The following STAMBPL1 variants were observed in gnomAD, a reference collection of about 807,000 sequenced individuals.
The protein encoded by STAMBPL1 is AMSH-like protease.
In STAMBPL1, 44 loss-of-function variants were observed where a neutral mutation model predicts 52.9. That is an observed-to-expected ratio of 0.83 (90% CI 0.65 to 1.07). The LOEUF is 1.07. Among genes scored for constraint, STAMBPL1 ranks in the 50% least tolerant of loss-of-function variants. STAMBPL1 has a pLI of 0.00. For synonymous variants in STAMBPL1, 164 were observed against 177.3 expected (o/e 0.92, Z 0.60); for missense variants, 511 against 520.8 (o/e 0.98, Z 0.18).
At chr10:88,914,032 G>A (rs1233559871) in intron 6 of STAMBPL1, among the ~76,000 whole-genome samples, 1 of 152,168 alleles carries the variant, frequency 6.6e-6, no homozygotes, top group African/African-American at 2.4e-5. Context: ...CTGTCAGATA[G>A]AATTTGTGTT....
At chr10:88,908,242 G>A (rs1357345684) in intron 3 of STAMBPL1, among the ~76,000 whole-genome samples, 1 of 152,108 alleles carries the variant, frequency 6.6e-6, no homozygotes, top group Non-Finnish European at 1.5e-5. Context: ...TCTTAGTTAT[G>A]AGTTTTCGGT....
Position 88,916,731 on chromosome 10 carries a change from G to T in STAMBPL1, c.955G>T (p.Gly319Ter). ...THVIVPKQSA[G>*]PDYCDMENVE... ...TGTAATTGTGCCAAAGCAGTCTGCG[G>T]GACCAGACTATTGTGACATGGAGAA... The change falls in exon 8 of 11, where the codon GGA becomes TGA. Residue 319 changes from glycine to a stop codon, truncating the protein, a stop_gained. Coordinates refer to ENST00000371926, the MANE Select transcript of STAMBPL1 (RefSeq NM_020799.4). LOFTEE classifies it high-confidence loss of function. 1.9e-6 allele frequency: 3 copies of T among 1,609,936 alleles called. No individual in the cohort carries two copies. The highest frequency in any genetic ancestry group is 2.2e-5 in the East Asian group (1 of 44,616).
intron 1 of STAMBPL1, among the ~76,000 whole-genome samples, chr10:88,894,831 A>G (rs918203902): frequency 1.3e-5 from 2 of 152,194 alleles, no homozygotes; most frequent in Non-Finnish European, 2.9e-5. Context: ...TTTCCTTCAA[A>G]AATATTTAAA....
intron 8 of STAMBPL1, among the ~76,000 whole-genome samples, chr10:88,919,859 A>G (rs753284561): frequency 3.3e-5 from 5 of 151,212 alleles, no homozygotes; most frequent in African/African-American, 7.3e-5. Context: ...TTTTCAAGAC[A>G]GGATCTTGCT....
At chr10:88,899,162 GT>G (rs1215353360) in intron 1 of STAMBPL1, among the ~76,000 whole-genome samples, 3 of 151,932 alleles carry the variant, frequency 2.0e-5, no homozygotes, top group South Asian at 2.1e-4. Context: ...AGAAGTTTGT[GT>G]TTTTTTTCAT....
chr10:88,902,009 A>G (rs1423149053), intron 2 of STAMBPL1, among the ~76,000 whole-genome samples: 1 of 152,200 alleles, frequency 6.6e-6, no homozygotes, highest in Non-Finnish European at 1.5e-5. Flanking sequence ...CACCGGAGAG[A>G]AGAATTTCAG....
In STAMBPL1 at chr10:88,923,456, T is replaced by C; in HGVS notation, c.*232T>C. On this transcript the variant is annotated 3_prime_UTR_variant, in exon 11 of 11. Coordinates refer to ENST00000371926, the MANE Select transcript of STAMBPL1 (RefSeq NM_020799.4). ...GGTACCTGATAATGTACCCAAATAC[T>C]ATGGCCAGATAATAAATTGTGCTGC... is the stretch of plus-strand genomic sequence containing the variant. 3.2e-6 allele frequency: 4 copies of C among 1,230,886 alleles called. No individual in the cohort carries two copies. Among genetic ancestry groups the C allele is most frequent in the Non-Finnish European group, 4.1e-6 (4 of 986,374 alleles). 76.2% of individuals were successfully genotyped at this position (1,230,886 alleles called of 1,614,324 possible).
chr10:88,905,213 G>T (rs1202937554), intron 2 of STAMBPL1, among the ~76,000 whole-genome samples: 3 of 152,036 alleles, frequency 2.0e-5, no homozygotes, highest in Non-Finnish European at 4.4e-5. Context: ...CAATAAAACT[G>T]TATGTTTACC....
chr10:88,905,340 A>G, intron 2 of STAMBPL1, 103 bp from the exon 3 acceptor site: 1 of 864,564 alleles, frequency 1.2e-6, no homozygotes, highest in Non-Finnish European at 1.8e-6. Context: ...TCCTTAGGTA[A>G]TGGTGTTAGG....
intron 3 of STAMBPL1, among the ~76,000 whole-genome samples, chr10:88,907,035 G>A (rs528764259): frequency 1.8e-4 from 27 of 151,628 alleles, no homozygotes; most frequent in Non-Finnish European, 3.4e-4. Flanking sequence ...CTCAACTGCT[G>A]GAACTCTGAT....
intron 7 of STAMBPL1, 58 bp from the exon 8 acceptor site, chr10:88,916,622 C>A: frequency 6.7e-7 from 1 of 1,493,364 alleles, no homozygotes; most frequent in Non-Finnish European, 9.0e-7. Context: ...ATTTCCTGTT[C>A]AGTTATTTTT....
intron 1 of STAMBPL1, among the ~76,000 whole-genome samples, chr10:88,881,185 T>TA (rs1258777685): frequency 1.3e-5 from 2 of 152,080 alleles, no homozygotes; most frequent in Non-Finnish European, 2.9e-5. Flanking sequence ...CTGAATAACT[T>TA]AAAGCTTTCG....
chr10:88,905,791 T>C, intron 3 of STAMBPL1, 131 bp downstream of exon 3: 1 of 720,554 alleles, frequency 1.4e-6, no homozygotes, highest in South Asian at 1.9e-5. Context: ...GAGCATTAAA[T>C]GTTCAAGTTT....
intron 1 of STAMBPL1, among the ~76,000 whole-genome samples, chr10:88,893,293 G>T (rs1292058337): frequency 6.6e-6 from 1 of 152,186 alleles, no homozygotes; most frequent in Admixed American, 6.5e-5. Flanking sequence ...CATATGAAAT[G>T]CCTTTGATAT....
chr10:88,890,517 G>T (rs190897525), intron 1 of STAMBPL1, among the ~76,000 whole-genome samples: 148 of 152,322 alleles, frequency 9.7e-4, no homozygotes, highest in African/African-American at 3.0e-3. Flanking sequence ...GGGTGAATCT[G>T]AATCTGCACA....
intron 1 of STAMBPL1, among the ~76,000 whole-genome samples, chr10:88,896,763 T>C (rs1222389308): frequency 1.3e-5 from 2 of 152,146 alleles, no homozygotes; most frequent in African/African-American, 4.8e-5. Flanking sequence ...GGTAATCATC[T>C]GCTTTCTGAA....
chr10:88,907,994 T>C (rs1349614675), intron 3 of STAMBPL1, among the ~76,000 whole-genome samples: 2 of 152,216 alleles, frequency 1.3e-5, no homozygotes, highest in South Asian at 2.1e-4. Flanking sequence ...AAATATTTAT[T>C]GAGCACTTAT....
intron 2 of STAMBPL1, among the ~76,000 whole-genome samples, chr10:88,905,006 A>C (rs1215295740): frequency 6.6e-6 from 1 of 152,128 alleles, no homozygotes; most frequent in Admixed American, 6.5e-5. Flanking sequence ...CTTTATAGTA[A>C]CTTGAATCCA....
intron 9 of STAMBPL1, among the ~76,000 whole-genome samples, chr10:88,921,672 T>C (rs1329782251): frequency 1.3e-5 from 2 of 152,230 alleles, no homozygotes; most frequent in Non-Finnish European, 2.9e-5. Context: ...TTAGGACTTA[T>C]TTCTACTGTA....
Sources: allele counts gnomAD v4.1 joint callset (sites outside exome capture counted in the v4.1 genomes callset), GRCh38; gene constraint gnomAD v4.1.1; transcripts MANE v1.5; gene names NCBI Gene and HGNC (gene_info 2026-07-23, HGNC 2026-07-21).